CEP112: variants seen among roughly 807,000 people sequenced by gnomAD.
CEP112 encodes the protein centrosomal protein of 112 kDa.
In CEP112, 127 loss-of-function variants were observed where a neutral mutation model predicts 153.0. The ratio of observed to expected loss-of-function variants is 0.83; its 90% CI spans 0.72 to 0.96. The LOEUF (loss-of-function observed/expected upper bound fraction) is 0.96. Among genes scored for constraint, CEP112 ranks in the 40% least tolerant of loss-of-function variants. The pLI is 0.00. For synonymous variants in CEP112, 358 were observed against 374.4 expected, an observed-to-expected ratio of 0.96 and a Z score of 0.51; for missense variants, 1,089 against 1,101.2, an observed-to-expected ratio of 0.99 and a Z score of 0.16.
intron 18 of CEP112, among the ~76,000 whole-genome samples, chr17:65,944,783 G>T (rs1310426845): frequency 6.6e-6 from 1 of 151,788 alleles, no homozygotes; most frequent in Non-Finnish European, 1.5e-5. Context: ...CAAGATAGGG[G>T]GTCTCCTTCT....
intron 20 of CEP112, among the ~76,000 whole-genome samples, chr17:65,899,106 T>A (rs908768319): frequency 1.3e-5 from 2 of 152,198 alleles, no homozygotes; most frequent in African/African-American, 4.8e-5. Context: ...TTTATAAATT[T>A]TCTTCATATT....
intron 4 of CEP112, among the ~76,000 whole-genome samples, chr17:66,162,363 T>C (rs2071749453): frequency 6.6e-6 from 1 of 152,226 alleles, no homozygotes; most frequent in African/African-American, 2.4e-5. Context: ...GAACTTTCAA[T>C]CTTGCTAGTG....
intron 17 of CEP112, among the ~76,000 whole-genome samples, chr17:66,001,569 T>C (rs974444332): frequency 2.0e-5 from 3 of 152,222 alleles, no homozygotes; most frequent in Non-Finnish European, 4.4e-5. Flanking sequence ...TTTGTATTTA[T>C]TGTAAAAACA....
chr17:66,174,150 G>T (rs192792141), intron 4 of CEP112, among the ~76,000 whole-genome samples: 3 of 151,922 alleles, frequency 2.0e-5, no homozygotes, highest in Non-Finnish European at 4.4e-5. Flanking sequence ...GGATGGTCTC[G>T]ATCTCCTGAC....
At chr17:65,637,020 A>G (rs1292836062) in intron 26 of CEP112, 104 bp downstream of exon 26, 15 of 873,318 alleles carry the variant, frequency 1.7e-5, no homozygotes, top group African/African-American at 5.1e-5. Context: ...CAAAACTTGT[A>G]TTATATCCAA....
intron 23 of CEP112, among the ~76,000 whole-genome samples, chr17:65,722,439 G>A (rs1235539120): frequency 2.0e-5 from 3 of 152,116 alleles, no homozygotes; most frequent in Non-Finnish European, 4.4e-5. Context: ...AGCAGAGACG[G>A]GGTTTCACCA....
intron 19 of CEP112, among the ~76,000 whole-genome samples, chr17:65,916,803 T>C (rs2060510170): frequency 6.6e-6 from 1 of 151,978 alleles, no homozygotes; most frequent in Non-Finnish European, 1.5e-5. Context: ...CTCCTGGGCC[T>C]CCTGAGTTAC....
intron 19 of CEP112, among the ~76,000 whole-genome samples, chr17:65,909,665 A>G (rs1317960811): frequency 6.6e-6 from 1 of 152,212 alleles, no homozygotes; most frequent in African/African-American, 2.4e-5. Context: ...AAATTGTGAA[A>G]AGAACAAAAA....
At chr17:65,762,329 A>C (rs2052663215) in intron 21 of CEP112, among the ~76,000 whole-genome samples, 1 of 151,932 alleles carries the variant, frequency 6.6e-6, no homozygotes, top group African/African-American at 2.4e-5. Context: ...TCTTATATTT[A>C]AAGCAGGTTT....
chr17:66,091,820 A>T (rs1432654856), intron 8 of CEP112, among the ~76,000 whole-genome samples: 1 of 152,240 alleles, frequency 6.6e-6, no homozygotes, highest in South Asian at 2.1e-4. Context: ...GAAGACAAAT[A>T]AGTAAAATAA....
intron 21 of CEP112, among the ~76,000 whole-genome samples, chr17:65,818,035 A>G (rs1193796989): frequency 6.6e-6 from 1 of 151,764 alleles, no homozygotes; most frequent in Non-Finnish European, 1.5e-5. Context: ...TCTTCTTCGT[A>G]TTGTCAACAC....
At position 65,689,225 on chromosome 17, in the gene CEP112, C is replaced by T. The variant is rs142299713; in HGVS notation, c.2608-7G>A. 2.4e-4 allele frequency: 383 copies of T among 1,594,804 alleles called. 5 individuals carry two copies. The South Asian group carries it at 3.5e-3, about 15-fold the overall frequency. ...CTAATTCATCTTGTAAAACCTGAAACGGTATAAAATAAAGATATCATTAAT... is the reference window on the plus strand; with the variant it reads ...CTAATTCATCTTGTAAAACCTGAAATGGTATAAAATAAAGATATCATTAAT... On this transcript the variant is annotated splice_polypyrimidine_tract_variant and splice_region_variant and intron_variant, in intron 23 of 26. Transcript: ENST00000535342.
At chr17:66,041,701 C>T (rs2065989167) in intron 12 of CEP112, among the ~76,000 whole-genome samples, 1 of 151,982 alleles carries the variant, frequency 6.6e-6, no homozygotes, top group African/African-American at 2.4e-5. Flanking sequence ...CTCCCAATGG[C>T]CAAAGCTGGA....
chr17:65,881,620 G>A (rs1226139083), intron 20 of CEP112, among the ~76,000 whole-genome samples: 5 of 152,314 alleles, frequency 3.3e-5, no homozygotes, highest in Admixed American at 6.5e-5. Flanking sequence ...ACTGGACATG[G>A]ATAAAAAGAA....
intron 2 of CEP112, among the ~76,000 whole-genome samples, chr17:66,180,774 TTA>T (rs2072687333): frequency 6.6e-6 from 1 of 152,144 alleles, no homozygotes; most frequent in African/African-American, 2.4e-5. Context: ...AATTTGAGGA[TTA>T]TATATCTAAT....
At chr17:66,088,508 A>T (rs2146226039) in intron 8 of CEP112, among the ~76,000 whole-genome samples, 1 of 151,260 alleles carries the variant, frequency 6.6e-6, no homozygotes, top group African/African-American at 2.4e-5. Context: ...GGCTCCAGAC[A>T]TACCCAATGT....
intron 21 of CEP112, among the ~76,000 whole-genome samples, chr17:65,809,377 T>G (rs932811418): frequency 6.6e-6 from 1 of 152,214 alleles, no homozygotes; most frequent in Non-Finnish European, 1.5e-5. Flanking sequence ...TCATTTATTT[T>G]CCAACAGATT....
intron 24 of CEP112, among the ~76,000 whole-genome samples, chr17:65,641,313 A>G (rs1014535585): frequency 6.6e-6 from 1 of 152,132 alleles, no homozygotes; most frequent in African/African-American, 2.4e-5. Context: ...CATGAACACA[A>G]TTTTCAGCAT....
intron 21 of CEP112, among the ~76,000 whole-genome samples, chr17:65,827,143 C>G (rs141596754): frequency 1.3e-5 from 2 of 152,340 alleles, no homozygotes; most frequent in South Asian, 2.1e-4. Context: ...TTGCCAGGGG[C>G]TCTCAGGTCT....
Sources: gnomAD v4.1 joint callset for allele counts (sites outside exome capture counted in the v4.1 genomes callset) on GRCh38, gnomAD v4.1.1 for gene constraint, MANE v1.5 for transcripts, NCBI Gene and HGNC (gene_info 2026-07-23, HGNC 2026-07-21) for gene names.